The following TNFSF4 variants were observed in gnomAD, a reference collection of about 807,000 sequenced individuals.
The protein encoded by TNFSF4 is TNF superfamily member 4.
TNFSF4 carries 4 observed loss-of-function variants against 7.3 expected under a neutral mutation model. That is an observed-to-expected ratio of 0.55 (90% confidence interval 0.27 to 1.25). The LOEUF (loss-of-function observed/expected upper bound fraction) is 1.25. Ranked by LOEUF, TNFSF4 falls within the 50% of genes most tolerant of loss-of-function variation. The pLI is 0.12. For missense variants in TNFSF4, 181 were observed against 208.8 expected (o/e 0.87, Z 0.82); for synonymous variants, 76 against 83.7 (o/e 0.91, Z 0.50).
the TNFSF4 span, among the ~76,000 whole-genome samples, chr1:173,265,983 G>A: frequency 3.3e-5 from 5 of 152,102 alleles, no homozygotes; most frequent in Non-Finnish European, 7.4e-5. Context: ...TGATATATAA[G>A]TGCTTAACCT....
chr1:173,175,877 C>T, the TNFSF4 span, among the ~76,000 whole-genome samples: 2 of 152,132 alleles, frequency 1.3e-5, no homozygotes, highest in African/African-American at 4.8e-5. Flanking sequence ...ACATGAGTTC[C>T]ATTTTCAATT....
chr1:173,205,747 C>T (rs1010957152), intron 1 of TNFSF4: 9 of 217,536 alleles, frequency 4.1e-5, no homozygotes, highest in African/African-American at 1.9e-4. Context: ...CTGCCATGGA[C>T]ACCTTACTCT....
the TNFSF4 span, among the ~76,000 whole-genome samples, chr1:173,293,443 C>T: frequency 4.2e-4 from 64 of 152,218 alleles, 2 homozygotes; most frequent in East Asian, 0.012. Context: ...CGGACCCCTA[C>T]TTTCACCTTA....
chr1:173,433,547 A>G, the TNFSF4 span, among the ~76,000 whole-genome samples: 2 of 151,588 alleles, frequency 1.3e-5, no homozygotes, highest in South Asian at 2.1e-4. Flanking sequence ...ATACAAAAAA[A>G]AAAAAATACT....
chr1:173,410,377 G>A, the TNFSF4 span, among the ~76,000 whole-genome samples: 8 of 152,158 alleles, frequency 5.3e-5, no homozygotes, highest in South Asian at 2.1e-4. Flanking sequence ...CTAAATTTGC[G>A]GTTCAACAAG....
chr1:173,174,793 G>T, the TNFSF4 span, among the ~76,000 whole-genome samples: 1 of 152,128 alleles, frequency 6.6e-6, no homozygotes, highest in Non-Finnish European at 1.5e-5. Flanking sequence ...TTTTCTGTGG[G>T]GGAATGAAAG....
chr1:173,225,638 A>G, the TNFSF4 span, among the ~76,000 whole-genome samples: 1 of 152,226 alleles, frequency 6.6e-6, no homozygotes, highest in Non-Finnish European at 1.5e-5. Context: ...ACAGATGACT[A>G]TCTCAGCAAA....
chr1:173,225,942 G>T, the TNFSF4 span, among the ~76,000 whole-genome samples: 1 of 151,876 alleles, frequency 6.6e-6, no homozygotes, highest in African/African-American at 2.4e-5. Flanking sequence ...TATAAAACAG[G>T]CTATTAAGCA....
chr1:173,191,528 G>A (rs1445311734), intron 1 of TNFSF4, among the ~76,000 whole-genome samples: 4 of 152,126 alleles, frequency 2.6e-5, no homozygotes, highest in African/African-American at 9.7e-5. Flanking sequence ...CAGTGCCCAA[G>A]TCAAAGCTCT....
the TNFSF4 span, among the ~76,000 whole-genome samples, chr1:173,380,676 C>T: frequency 1.3e-5 from 2 of 152,154 alleles, no homozygotes; most frequent in Admixed American, 1.3e-4. Context: ...ATCACTCTCT[C>T]GAATGGTTCC....
At chr1:173,359,979 T>C in the TNFSF4 span, among the ~76,000 whole-genome samples, 21 of 152,358 alleles carry the variant, frequency 1.4e-4, no homozygotes, top group Middle Eastern at 6.8e-3. Flanking sequence ...CTTGCTGATC[T>C]AAGGACATTG....
intron 1 of TNFSF4, among the ~76,000 whole-genome samples, chr1:173,191,796 G>A (rs1055236305): frequency 3.9e-5 from 6 of 152,150 alleles, no homozygotes; most frequent in South Asian, 2.1e-4. Context: ...TACTGTGAGC[G>A]GAACTTTCCA....
At chr1:173,340,896 G>A in the TNFSF4 span, among the ~76,000 whole-genome samples, 4 of 152,244 alleles carry the variant, frequency 2.6e-5, no homozygotes, top group African/African-American at 4.8e-5. Flanking sequence ...ATCTCATCTT[G>A]AATTGTAGTT....
the TNFSF4 span, among the ~76,000 whole-genome samples, chr1:173,365,819 G>A: frequency 1.8e-4 from 27 of 152,246 alleles, no homozygotes; most frequent in South Asian, 3.5e-3. Context: ...TCTGCATGAT[G>A]TTTCATATGG....
At chr1:173,421,218 G>A in the TNFSF4 span, among the ~76,000 whole-genome samples, 1 of 152,186 alleles carries the variant, frequency 6.6e-6, no homozygotes, top group African/African-American at 2.4e-5. Flanking sequence ...TAGGGACATA[G>A]TTATTGCATG....
At chr1:173,287,620 A>G in the TNFSF4 span, among the ~76,000 whole-genome samples, 2 of 152,310 alleles carry the variant, frequency 1.3e-5, no homozygotes, top group African/African-American at 2.4e-5. Context: ...AGATATGTAC[A>G]AGGATGTTCT....
the TNFSF4 span, among the ~76,000 whole-genome samples, chr1:173,382,731 T>C: frequency 6.6e-6 from 1 of 152,148 alleles, no homozygotes; most frequent in South Asian, 2.1e-4. Context: ...AAGTGGACCT[T>C]TCCCTGCCTG....
the TNFSF4 span, among the ~76,000 whole-genome samples, chr1:173,245,901 C>T: frequency 2.0e-5 from 3 of 152,182 alleles, no homozygotes; most frequent in Non-Finnish European, 4.4e-5. Flanking sequence ...ATCCATGTTG[C>T]CATGAATGAT....
chr1:173,442,545 G>GTTTTTTTTTTTTTTTTTT, the TNFSF4 span, among the ~76,000 whole-genome samples: 8 of 93,450 alleles, frequency 8.6e-5, 3 homozygotes, highest in Non-Finnish European at 8.8e-5. Context: ...TTTCGTTTTT[G>GTTTTTTTTTTTTTTTTTT]TTTTTGTTTT....
Sources: gnomAD v4.1 joint callset for allele counts (sites outside exome capture counted in the v4.1 genomes callset) on GRCh38, gnomAD v4.1.1 for gene constraint, MANE v1.5 for transcripts, NCBI Gene and HGNC (gene_info 2026-07-23, HGNC 2026-07-21) for gene names.